Variants in FN3KRP observed in about 807,000 individuals in gnomAD.
FN3KRP encodes the protein fructosamine 3 kinase related protein.
In FN3KRP, 33 loss-of-function variants were observed where a neutral mutation model predicts 29.8. The observed-to-expected ratio is 1.11, with a 90% CI of 0.84 to 1.48. The LOEUF (loss-of-function observed/expected upper bound fraction) is 1.48. FN3KRP is among the 40% of genes most tolerant of loss of function. FN3KRP has a pLI of 0.00. For synonymous variants in FN3KRP, 157 were observed against 155.2 expected, an observed-to-expected ratio of 1.01 and a Z score of -0.09; for missense variants, 430 against 402.6, an observed-to-expected ratio of 1.07 and a Z score of -0.58.
At chr17:82,723,610 CAT>C (rs1481338600) in intron 4 of FN3KRP, among the ~76,000 whole-genome samples, 1 of 143,082 alleles carries the variant, frequency 7.0e-6, no homozygotes. Flanking sequence ...TATGTGCACG[CAT>C]GTGTGCATAT....
In FN3KRP at chr17:82,727,586, C is replaced by A; in HGVS notation, c.*415C>A. The A allele has an allele frequency of 5.9e-6, 1 of 170,338 alleles. No homozygotes were observed. Among genetic ancestry groups the A allele is most frequent in the Non-Finnish European group, 1.3e-5 (1 of 78,888 alleles). The allele number at this position is 170,338 out of a possible 1,614,324, so 10.6% of individuals were successfully genotyped here. A position where few individuals can be genotyped will look rare whatever the true frequency, so the allele number is the denominator to read the frequency against. Reference sequence around the variant, plus strand: ...CCTGCTCTCCTGTGCAGGAATGTCTCTGAGCTGTTCACGTTGATGCTTCTT... The same window carrying A: ...CCTGCTCTCCTGTGCAGGAATGTCTATGAGCTGTTCACGTTGATGCTTCTT... On this transcript the variant is annotated 3_prime_UTR_variant, in exon 6 of 6. Coordinates refer to ENST00000269373, the MANE Select transcript of FN3KRP (RefSeq NM_024619.4).
intron 4 of FN3KRP, 64 bp from the exon 5 acceptor site, chr17:82,726,416 T>TACC (rs2046837376): frequency 5.1e-6 from 8 of 1,571,904 alleles, no homozygotes; most frequent in Non-Finnish European, 6.9e-6. Flanking sequence ...TGCTTGTGGG[T>TACC]AGCTGAGCTC....
rs756230093 is a variant in FN3KRP, at chr17:82,726,604, T to G, written c.591+2T>G. 4.3e-6 allele frequency: 7 copies of G among 1,610,202 alleles called. No homozygotes were observed. The East Asian group carries it at 1.6e-4, about 36-fold the overall frequency. ...CTCCAGCTTTGGTCTGCTCTGCAGGTGAGTGGGGCCCCACTGCATGCCCAG... is the reference window on the plus strand; with the variant it reads ...CTCCAGCTTTGGTCTGCTCTGCAGGGGAGTGGGGCCCCACTGCATGCCCAG... On this transcript the variant is annotated splice_donor_variant, in intron 5 of 5. Transcript: ENST00000269373. LOFTEE classifies it high-confidence loss of function.
intron 1 of FN3KRP, 138 bp from the exon 2 acceptor site, chr17:82,718,768 C>A (rs989796158): frequency 4.0e-6 from 5 of 1,237,630 alleles, no homozygotes; most frequent in Non-Finnish European, 5.7e-6. Context: ...TTTGAAAACA[C>A]TGTCCATGTG....
chr17:82,724,696 T>C (rs1007728926), intron 4 of FN3KRP, among the ~76,000 whole-genome samples: 1 of 152,090 alleles, frequency 6.6e-6, no homozygotes, highest in Non-Finnish European at 1.5e-5. Flanking sequence ...GCCAAAAGTG[T>C]GCTGCATGTG....
chr17:82,722,466 C>T lies in FN3KRP; in HGVS notation c.386-338C>T, dbSNP rs537065430. 125 of 248,902 alleles carry T rather than the reference C, an allele frequency of 5.0e-4. 3 individuals are homozygous for T. In the South Asian group the frequency reaches 7.8e-3, roughly 16 times the overall value. The allele number at this position is 248,902 out of a possible 1,614,324, so 15.4% of individuals were successfully genotyped here. On this transcript the variant is annotated intron_variant, in intron 3 of 5. Coordinates refer to ENST00000269373, the MANE Select transcript of FN3KRP (RefSeq NM_024619.4). ...ACAGTGTGGTCTTCCCCCACACCCC[C>T]GCGTGTTGGGATGTGAGACAGGTCC...
chr17:82,723,601 A>G (rs2046815365), intron 4 of FN3KRP, among the ~76,000 whole-genome samples: 1 of 151,414 alleles, frequency 6.6e-6, no homozygotes. Context: ...GTGCATGTGT[A>G]TGTGCACGCA....
At chr17:82,722,591 C>T (rs1355061125) in intron 3 of FN3KRP, 1 of 532,516 alleles carries the variant, frequency 1.9e-6, no homozygotes, top group Non-Finnish European at 3.3e-6. Flanking sequence ...CTGGAGGCCA[C>T]AGGCTCCTAG....
At chr17:82,717,448 G>T (rs1230089645) in intron 1 of FN3KRP, among the ~76,000 whole-genome samples, 2 of 152,186 alleles carry the variant, frequency 1.3e-5, no homozygotes, top group Admixed American at 6.5e-5. Flanking sequence ...GGCCGGGCGC[G>T]GTGGCTCACG....
intron 1 of FN3KRP, among the ~76,000 whole-genome samples, chr17:82,717,400 C>G (rs2046764495): frequency 6.6e-6 from 1 of 152,160 alleles, no homozygotes; most frequent in Non-Finnish European, 1.5e-5. Flanking sequence ...CCTCACCACA[C>G]CCTGGCATGC....
intron 3 of FN3KRP, chr17:82,721,023 G>A (rs1176834966): frequency 3.3e-5 from 5 of 152,230 alleles, no homozygotes; most frequent in Non-Finnish European, 5.9e-5. Flanking sequence ...CAGTCTTAAC[G>A]GAGTTTAGTC....
Position 82,727,222 on chromosome 17 carries a change from C to T in FN3KRP, c.*51C>T. 4.0e-6 allele frequency: 6 copies of T among 1,511,700 alleles called. No individual in the cohort carries two copies. Among genetic ancestry groups the T allele is most frequent in the South Asian group, 1.2e-5 (1 of 82,300 alleles). The allele number at this position is 1,511,700 out of a possible 1,614,324, so 93.6% of individuals were successfully genotyped here. On this transcript the variant is annotated 3_prime_UTR_variant, in exon 6 of 6. Transcript: ENST00000269373. Reference sequence around the variant, plus strand: ...TCAGAGGTTTCTCCACAGTCCTCTTCTGGGCAAATTCTTGTTTCTTCACAT... The same window carrying T: ...TCAGAGGTTTCTCCACAGTCCTCTTTTGGGCAAATTCTTGTTTCTTCACAT...
At position 82,727,456 on chromosome 17, in the gene FN3KRP, C is replaced by T; in HGVS notation, c.*285C>T. The T allele has an allele frequency of 3.1e-6, 1 of 326,582 alleles. No homozygotes were observed. The highest frequency in any genetic ancestry group is 6.0e-5 in the South Asian group (1 of 16,558). 20.2% of individuals were successfully genotyped at this position (326,582 alleles called of 1,614,324 possible). A position where few individuals can be genotyped will look rare whatever the true frequency, so the allele number is the denominator to read the frequency against. On this transcript the variant is annotated 3_prime_UTR_variant, in exon 6 of 6. Transcript: ENST00000269373. The stretch of plus-strand genomic sequence containing the variant: ...TCACTGCTGCTGCAAGGTGGGGAAA[C>T]TGTAAGTGAACCCCTGTGGGTGCGG...
chr17:82,722,676 G>A (rs1029867579), intron 3 of FN3KRP, 128 bp from the exon 4 acceptor site: 33 of 786,602 alleles, frequency 4.2e-5, no homozygotes, highest in Middle Eastern at 3.8e-4. Context: ...CCCAGGCCCT[G>A]TTTGTCTCTG....
At chr17:82,725,150 T>TA (rs2046828254) in intron 4 of FN3KRP, among the ~76,000 whole-genome samples, 1 of 151,980 alleles carries the variant, frequency 6.6e-6, no homozygotes, top group Admixed American at 6.6e-5. Flanking sequence ...TTTTAAAAGA[T>TA]AGAGTCTCTC....
chr17:82,726,557 G>A lies in FN3KRP; in HGVS notation c.546G>A (p.Lys182=). The A allele has an allele frequency of 6.2e-7, 1 of 1,614,172 alleles. No individual in the cohort carries two copies. Among genetic ancestry groups the A allele is most frequent in the East Asian group, 2.2e-5 (1 of 44,880 alleles). ...AGCCCCAGATGGACATGGTGGAGAAGGAGTCTGGGGACAGGGAGGCCCTCC... is the reference window on the plus strand; with the variant it reads ...AGCCCCAGATGGACATGGTGGAGAAAGAGTCTGGGGACAGGGAGGCCCTCC... ...RIQPQMDMVE[K]ESGDREALQL... Residue 182 remains lysine, a synonymous_variant, in exon 5 of 6, where the codon AAG becomes AAA. Transcript: ENST00000269373.
chr17:82,717,609 C>G (rs566857364), intron 1 of FN3KRP, among the ~76,000 whole-genome samples: 1 of 152,196 alleles, frequency 6.6e-6, no homozygotes, highest in African/African-American at 2.4e-5. Flanking sequence ...ATCCCAGCTA[C>G]TCGGGAGGCT....
chr17:82,718,543 G>A (rs1487384524), intron 1 of FN3KRP: 43 of 1,036,080 alleles, frequency 4.2e-5, no homozygotes, highest in East Asian at 8.5e-5. Flanking sequence ...CAGGACTGCA[G>A]TTGAGGTGTC....
intron 3 of FN3KRP, among the ~76,000 whole-genome samples, chr17:82,721,743 C>T (rs1425122090): frequency 6.6e-6 from 1 of 152,158 alleles, no homozygotes; most frequent in Non-Finnish European, 1.5e-5. Context: ...ACCTCGTGAT[C>T]CACCTGCCTC....
Sources: gnomAD v4.1 joint callset for allele counts (sites outside exome capture counted in the v4.1 genomes callset) on GRCh38, gnomAD v4.1.1 for gene constraint, MANE v1.5 for transcripts, NCBI Gene and HGNC (gene_info 2026-07-23, HGNC 2026-07-21) for gene names.